The following MTFR2 variants were observed in gnomAD, a reference collection of about 807,000 sequenced individuals.
MTFR2 encodes the protein DUF729 domain-containing protein 1.
Under a neutral mutation model 41.2 loss-of-function variants are expected in MTFR2, and 44 were observed. The ratio of observed to expected loss-of-function variants is 1.07; its 90% CI spans 0.84 to 1.37. The LOEUF (loss-of-function observed/expected upper bound fraction) is 1.37. Ranked by LOEUF, MTFR2 falls within the 40% of genes most tolerant of loss-of-function variation. The pLI is 0.00. For synonymous variants in MTFR2, 141 were observed against 154.6 expected (o/e 0.91, Z 0.65); for missense variants, 452 against 459.5 (o/e 0.98, Z 0.15).
intron 2 of MTFR2, among the ~76,000 whole-genome samples, chr6:136,247,721 A>G (rs1780250980): frequency 6.6e-6 from 1 of 152,226 alleles, no homozygotes; most frequent in Non-Finnish European, 1.5e-5. Flanking sequence ...CTCCACTTAC[A>G]GAAATTCTTA....
In MTFR2 at chr6:136,231,394, A is replaced by G. The variant is rs1779751920; in HGVS notation, c.1045-6T>C. ...TGTGAAATGTGATGTCCAAACTGAA[A>G]TAAAGCAAATATTTAACACAGAAAT... On this transcript the variant is annotated splice_region_variant and splice_polypyrimidine_tract_variant and intron_variant, in intron 7 of 7. Coordinates refer to ENST00000420702, the MANE Select transcript of MTFR2 (RefSeq NM_001099286.3). 1.3e-6 allele frequency: 2 copies of G among 1,546,000 alleles called. No individual in the cohort carries two copies. Among genetic ancestry groups the G allele is most frequent in the Non-Finnish European group, 1.8e-6 (2 of 1,127,514 alleles).
At chr6:136,247,618 C>T in intron 2 of MTFR2, 13 of 436,288 alleles carry the variant, frequency 3.0e-5, no homozygotes, top group South Asian at 2.1e-4. Context: ...TGGCCTCTCT[C>T]AATTTCTTTT....
At chr6:136,247,412 G>C (rs988240341) in intron 2 of MTFR2, 1 of 432,666 alleles carries the variant, frequency 2.3e-6, no homozygotes, top group Admixed American at 2.8e-5. Context: ...AGGCAGGACA[G>C]TCTCTCTCCT....
At chr6:136,242,324 G>T (rs1438493227) in intron 4 of MTFR2, among the ~76,000 whole-genome samples, 1 of 152,070 alleles carries the variant, frequency 6.6e-6, no homozygotes, top group Non-Finnish European at 1.5e-5. Flanking sequence ...ACGCAGGTAA[G>T]TTAATTTATT....
chr6:136,234,304 CA>C (rs1192464627), intron 6 of MTFR2, among the ~76,000 whole-genome samples: 218 of 56,396 alleles, frequency 3.9e-3, no homozygotes, highest in African/African-American at 7.0e-3. Context: ...CACCCTGTCT[CA>C]AAAAAAAAAA....
intron 7 of MTFR2, chr6:136,233,086 T>A: frequency 2.9e-6 from 1 of 345,200 alleles, no homozygotes; most frequent in Non-Finnish European, 5.4e-6. Context: ...ATTATAAACA[T>A]ATGCACAAAT....
chr6:136,240,894 A>T (rs571662284), intron 5 of MTFR2, among the ~76,000 whole-genome samples: 2 of 152,170 alleles, frequency 1.3e-5, no homozygotes, highest in South Asian at 2.1e-4. Context: ...GATCGAGACC[A>T]TCCTGGCTAA....
intron 5 of MTFR2, among the ~76,000 whole-genome samples, chr6:136,240,830 G>A (rs535897387): frequency 5.7e-4 from 87 of 152,288 alleles, no homozygotes; most frequent in Non-Finnish European, 9.3e-4. Context: ...GGTGGCTCAC[G>A]CCTGTAATCC....
At chr6:136,242,096 A>C (rs991871955) in intron 4 of MTFR2, among the ~76,000 whole-genome samples, 6 of 150,394 alleles carry the variant, frequency 4.0e-5, no homozygotes, top group African/African-American at 1.5e-4. Flanking sequence ...AAAAAAAAAA[A>C]AAAAAAAAAA....
chr6:136,249,130 G>A lies in MTFR2; in HGVS notation c.-31C>T. On this transcript the variant is annotated 5_prime_UTR_variant, in exon 2 of 8. Transcript: ENST00000420702. Reference sequence around the variant, plus strand: ...AAGCAAATACAGAAGCCAATTCAAAGGAACATTATCAGTTTCTTGGTGCCT... The same window carrying A: ...AAGCAAATACAGAAGCCAATTCAAAAGAACATTATCAGTTTCTTGGTGCCT... The A allele has an allele frequency of 6.5e-7, 1 of 1,544,716 alleles. No individual in the cohort carries two copies. The highest frequency in any genetic ancestry group is 1.4e-5 in the African/African-American group (1 of 70,700).
At chr6:136,237,870 T>C (rs1312120624) in intron 6 of MTFR2, among the ~76,000 whole-genome samples, 1 of 151,926 alleles carries the variant, frequency 6.6e-6, no homozygotes. Context: ...TAAACTAATC[T>C]ACCCTTTATG....
At chr6:136,233,706 T>C (rs148567109) in intron 6 of MTFR2, among the ~76,000 whole-genome samples, 1 of 152,306 alleles carries the variant, frequency 6.6e-6, no homozygotes, top group African/African-American at 2.4e-5. Flanking sequence ...CCCATGTGAC[T>C]TGAGACTCTG....
At chr6:136,231,727 A>G in intron 7 of MTFR2, among the ~76,000 whole-genome samples, 1 of 151,584 alleles carries the variant, frequency 6.6e-6, no homozygotes, top group East Asian at 1.9e-4. Flanking sequence ...TTGGCTGGAA[A>G]AAGTGCTAAG....
At chr6:136,248,754 A>C in intron 2 of MTFR2, 1 of 385,166 alleles carries the variant, frequency 2.6e-6, no homozygotes, top group Non-Finnish European at 4.6e-6. Context: ...TAGAAGTTTT[A>C]ATGTATCTGT....
intron 4 of MTFR2, 127 bp downstream of exon 4, chr6:136,242,734 G>A: frequency 1.7e-6 from 1 of 590,726 alleles, no homozygotes; most frequent in South Asian, 2.9e-5. Flanking sequence ...TTATTAAGAA[G>A]ATACAGTAGG....
intron 5 of MTFR2, among the ~76,000 whole-genome samples, chr6:136,240,887 C>G (rs56236905): frequency 5.9e-5 from 9 of 152,090 alleles, no homozygotes; most frequent in South Asian, 2.1e-4. Flanking sequence ...GTCAGGAGAT[C>G]GAGACCATCC....
intron 2 of MTFR2, among the ~76,000 whole-genome samples, chr6:136,248,194 A>G (rs1472049309): frequency 6.6e-6 from 1 of 152,232 alleles, no homozygotes; most frequent in Non-Finnish European, 1.5e-5. Context: ...CATTATGAAT[A>G]CAACCATGTA....
chr6:136,247,843 G>C (rs551769960), intron 2 of MTFR2, among the ~76,000 whole-genome samples: 1 of 151,998 alleles, frequency 6.6e-6, no homozygotes, highest in Non-Finnish European at 1.5e-5. Context: ...TGCCATTATC[G>C]AAGTCCATGG....
chr6:136,231,672 A>AT (rs1779762454), intron 7 of MTFR2, among the ~76,000 whole-genome samples: 1 of 132,904 alleles, frequency 7.5e-6, no homozygotes, highest in Non-Finnish European at 1.5e-5. Flanking sequence ...AACTATGTAA[A>AT]AAAAAAAAAA....
Sources: allele counts gnomAD v4.1 joint callset (sites outside exome capture counted in the v4.1 genomes callset), GRCh38; gene constraint gnomAD v4.1.1; transcripts MANE v1.5; gene names NCBI Gene and HGNC (gene_info 2026-07-23, HGNC 2026-07-21).